OLFM1: variants seen among roughly 807,000 people sequenced by gnomAD.
OLFM1 encodes the protein noelin.
A neutral mutation model predicts 49.7 loss-of-function variants in OLFM1; 9 were observed. That is an observed-to-expected ratio of 0.18 (90% confidence interval 0.11 to 0.32). The LOEUF is 0.32. Among genes scored for constraint, OLFM1 ranks in the 10% least tolerant of loss-of-function variants. The pLI is 1.00. For synonymous variants in OLFM1, 240 were observed against 271.8 expected, an observed-to-expected ratio of 0.88 and a Z score of 1.15; for missense variants, 369 against 661.8, an observed-to-expected ratio of 0.56 and a Z score of 4.85.
chr9:135,089,788 T>A (rs1405204407), intron 1 of OLFM1, among the ~76,000 whole-genome samples: 2 of 152,264 alleles, frequency 1.3e-5, no homozygotes, highest in African/African-American at 4.8e-5. Context: ...AAGGATATCC[T>A]GTTTCTGAAA....
chr9:135,114,123 C>CTTTTTTTTTT lies in OLFM1; in HGVS notation c.784-5363_784-5354dup, dbSNP rs138372395. ...TCCAGGACCAGCTCATCTTGAGATT[C>CTTTTTTTTTT]TTTTTTTTTTTTTTTTTTTTTTTTT... is the stretch of plus-strand genomic sequence containing the variant. On this transcript the variant is annotated intron_variant, in intron 5 of 5. Coordinates refer to ENST00000371793, the MANE Select transcript of OLFM1 (RefSeq NM_001282611.2). Among the ~76,000 whole-genome samples the CTTTTTTTTTT allele has an allele frequency of 3.4e-4, 26 of 75,850 alleles. 7 individuals carry two copies. Among genetic ancestry groups the CTTTTTTTTTT allele is most frequent in the Non-Finnish European group, 4.5e-4 (18 of 39,996 alleles). 49.8% of individuals were successfully genotyped at this position (75,850 alleles called of 152,430 possible).
chr9:135,110,329 C>T (rs541822041), intron 5 of OLFM1, among the ~76,000 whole-genome samples: 2 of 152,328 alleles, frequency 1.3e-5, no homozygotes, highest in East Asian at 3.9e-4. Flanking sequence ...CTATAAAAGT[C>T]TCAGGTCAGC....
intron 1 of OLFM1, among the ~76,000 whole-genome samples, chr9:135,081,701 C>A (rs9696706): frequency 0.13 from 19,262 of 152,168 alleles, 1,336 homozygotes; most frequent in Middle Eastern, 0.21. Context: ...AGGGGCCAGG[C>A]GCACTGGCTC....
intron 5 of OLFM1, among the ~76,000 whole-genome samples, chr9:135,116,349 C>T (rs961916896): frequency 6.6e-6 from 1 of 152,138 alleles, no homozygotes; most frequent in Non-Finnish European, 1.5e-5. Context: ...TGAGCCTGTG[C>T]ACCGTGTGCC....
chr9:135,119,926 C>A lies in OLFM1; in HGVS notation c.1206C>A (p.Ala402=). The A allele has an allele frequency of 6.2e-7, 1 of 1,613,532 alleles. No homozygotes were observed. Among genetic ancestry groups the A allele is most frequent in the Non-Finnish European group, 8.5e-7 (1 of 1,180,028 alleles). ...TWNTSYPKRS[A]GEAFIICGTL... ...ACACGAGCTACCCCAAGCGCAGCGC[C>A]GGGGAGGCCTTCATCATCTGCGGCA... is the stretch of plus-strand genomic sequence containing the variant. Residue 402 remains alanine, a synonymous_variant, in exon 6 of 6, where the codon GCC becomes GCA. Coordinates refer to ENST00000371793, the MANE Select transcript of OLFM1 (RefSeq NM_001282611.2).
intron 1 of OLFM1, among the ~76,000 whole-genome samples, chr9:135,082,087 A>G (rs1291070687): frequency 2.0e-5 from 3 of 152,180 alleles, no homozygotes; most frequent in Non-Finnish European, 2.9e-5. Flanking sequence ...GTGTTAGCAG[A>G]CCTGCTCGCC....
At chr9:135,112,440 C>T (rs1831036390) in intron 5 of OLFM1, among the ~76,000 whole-genome samples, 1 of 152,226 alleles carries the variant, frequency 6.6e-6, no homozygotes, top group Admixed American at 6.5e-5. Flanking sequence ...GAGCCATGGC[C>T]CCTCATGAGG....
chr9:135,104,233 G>A (rs1325732123), intron 4 of OLFM1, among the ~76,000 whole-genome samples: 1 of 152,212 alleles, frequency 6.6e-6, no homozygotes, highest in Non-Finnish European at 1.5e-5. Flanking sequence ...GTGAAGGTGG[G>A]TGGGAAGGTG....
chr9:135,077,842 G>T (rs1285311226), intron 1 of OLFM1, among the ~76,000 whole-genome samples: 1 of 152,200 alleles, frequency 6.6e-6, no homozygotes, highest in Non-Finnish European at 1.5e-5. Context: ...AATGTGTTGG[G>T]ATTTTGGAAA....
At chr9:135,076,028 A>T in intron 1 of OLFM1, 1 of 1,448,074 alleles carries the variant, frequency 6.9e-7, no homozygotes, top group Non-Finnish European at 9.1e-7. Context: ...CCGGCTCAGC[A>T]GAGCTGACAG....
At chr9:135,076,217 C>A in intron 1 of OLFM1, 1 of 1,550,642 alleles carries the variant, frequency 6.4e-7, no homozygotes, top group Middle Eastern at 1.7e-4. Context: ...CCAACACACA[C>A]CCCTGAGTGG....
chr9:135,075,771 T>C (rs761370969), exon 1 of OLFM1: 4 of 1,607,314 alleles, frequency 2.5e-6, no homozygotes, highest in Non-Finnish European at 3.4e-6. Context: ...AGCCTCCTCT[T>C]CCTCATCCTG....
chr9:135,119,893 G>T lies in OLFM1; in HGVS notation c.1173G>T (p.Gln391His). ...RLDPVSLQTL[Q>H]TWNTSYPKRS... The stretch of plus-strand genomic sequence containing the variant: ...ACCCCGTGTCCCTGCAGACCCTGCA[G>T]ACCTGGAACACGAGCTACCCCAAGC... The change falls in exon 6 of 6, where the codon CAG (glutamine) becomes CAT (histidine). Residue 391 changes from glutamine to histidine, a missense_variant. Gln to His is a conservative substitution (Grantham distance 24). This residue lies in a region of OLFM1 where 294 missense variants were observed against 567.5 expected (regional missense o/e 0.52). Transcript: ENST00000371793. 6.2e-7 allele frequency: 1 copy of T among 1,613,552 alleles called. No homozygotes were observed. The highest frequency in any genetic ancestry group is 8.5e-7 in the Non-Finnish European group (1 of 1,180,034).
chr9:135,104,774 G>C (rs547944679), intron 4 of OLFM1, among the ~76,000 whole-genome samples: 1 of 152,268 alleles, frequency 6.6e-6, no homozygotes, highest in African/African-American at 2.4e-5. Flanking sequence ...CCCAGCAGCC[G>C]GAGGGTGAGC....
upstream of OLFM1, among the ~76,000 whole-genome samples, chr9:135,083,315 G>C (rs1343472688): frequency 6.6e-6 from 1 of 152,160 alleles, no homozygotes; most frequent in Admixed American, 6.5e-5. Flanking sequence ...CCCTTGGCCT[G>C]GCTGTGGCCA....
intron 4 of OLFM1, among the ~76,000 whole-genome samples, chr9:135,100,488 T>C (rs769468455): frequency 6.6e-6 from 1 of 152,256 alleles, no homozygotes; most frequent in Non-Finnish European, 1.5e-5. Flanking sequence ...TGCAGCTGCC[T>C]GGTTTCACCT....
At chr9:135,078,041 G>A (rs556135463) in intron 1 of OLFM1, among the ~76,000 whole-genome samples, 8 of 152,340 alleles carry the variant, frequency 5.3e-5, no homozygotes, top group Non-Finnish European at 8.8e-5. Flanking sequence ...GAATGGGTGT[G>A]GGGGCAGGAC....
upstream of OLFM1, chr9:135,086,595 G>GAA: frequency 2.2e-6 from 1 of 456,028 alleles, no homozygotes; most frequent in Non-Finnish European, 4.4e-6. Flanking sequence ...CCAAATGGCT[G>GAA]GGAAAGCTTA....
chr9:135,106,443 A>C, intron 4 of OLFM1: 2 of 361,912 alleles, frequency 5.5e-6, no homozygotes, highest in South Asian at 4.7e-5. Context: ...CAGCACCCCC[A>C]TCCCCAGGCC....
Sources: allele counts gnomAD v4.1 joint callset (sites outside exome capture counted in the v4.1 genomes callset), GRCh38; gene constraint gnomAD v4.1.1; regional missense constraint gnomAD v4.1.1; transcripts MANE v1.5; gene names NCBI Gene and HGNC (gene_info 2026-07-23, HGNC 2026-07-21).